The following BICRAL variants were observed in gnomAD, a reference collection of about 807,000 sequenced individuals.
BICRAL encodes the protein BICRA like chromatin remodeling complex associated protein.
In BICRAL, 8 loss-of-function variants were observed where a neutral mutation model predicts 91.8. That is an observed-to-expected ratio of 0.09 (90% confidence interval 0.05 to 0.16). The LOEUF (loss-of-function observed/expected upper bound fraction) is 0.16, where lower values mean the gene tolerates loss of function less well. Among genes scored for constraint, BICRAL ranks in the 10% least tolerant of loss-of-function variants. BICRAL has a pLI of 1.00. For synonymous variants in BICRAL, 445 were observed against 491.1 expected (o/e 0.91, Z 1.24); for missense variants, 1,038 against 1,310.9 (o/e 0.79, Z 3.21).
At chr6:42,832,157 G>A (rs1764502158) in intron 6 of BICRAL, among the ~76,000 whole-genome samples, 1 of 151,344 alleles carries the variant, frequency 6.6e-6, no homozygotes, top group Non-Finnish European at 1.5e-5. Flanking sequence ...AGACCAGCCT[G>A]GCTGACATGG....
intron 6 of BICRAL, among the ~76,000 whole-genome samples, chr6:42,848,075 G>A (rs1765072601): frequency 6.6e-6 from 1 of 151,970 alleles, no homozygotes; most frequent in South Asian, 2.1e-4. Context: ...CTTGCAGTGA[G>A]CCAAGATTGC....
intron 6 of BICRAL, among the ~76,000 whole-genome samples, chr6:42,835,661 G>A (rs376149273): frequency 6.6e-6 from 1 of 152,112 alleles, no homozygotes; most frequent in Non-Finnish European, 1.5e-5. Flanking sequence ...GGCTGGTTGC[G>A]GTGTCTCATG....
intron 1 of BICRAL, among the ~76,000 whole-genome samples, chr6:42,795,184 C>A (rs1334552950): frequency 6.6e-6 from 1 of 152,162 alleles, no homozygotes; most frequent in Non-Finnish European, 1.5e-5. Context: ...GTAATCCCAG[C>A]ACTTTGGGAG....
intron 1 of BICRAL, among the ~76,000 whole-genome samples, chr6:42,770,072 C>T (rs1762695429): frequency 6.6e-6 from 1 of 152,040 alleles, no homozygotes. Context: ...TCTGCCTGTC[C>T]CCCTCATTTA....
At chr6:42,845,163 C>T (rs1232675355) in intron 6 of BICRAL, among the ~76,000 whole-genome samples, 3 of 118,298 alleles carry the variant, frequency 2.5e-5, no homozygotes, top group Non-Finnish European at 3.3e-5. Context: ...TGGTATCCTT[C>T]GGCTGCCTTC....
At chr6:42,790,571 G>T (rs12332906) in intron 1 of BICRAL, among the ~76,000 whole-genome samples, 13,866 of 147,872 alleles carry the variant, frequency 0.094, 1,079 homozygotes, top group African/African-American at 0.22. Context: ...TGAGTCTGCT[G>T]TCATTCCCTT....
chr6:42,760,218 C>T (rs1026442079), intron 1 of BICRAL, among the ~76,000 whole-genome samples: 4 of 151,178 alleles, frequency 2.6e-5, no homozygotes, highest in Non-Finnish European at 5.9e-5. Flanking sequence ...TGAGATTGCA[C>T]CATTGCACTC....
At chr6:42,813,588 C>T (rs999576689) in intron 2 of BICRAL, among the ~76,000 whole-genome samples, 5 of 152,138 alleles carry the variant, frequency 3.3e-5, no homozygotes, top group East Asian at 1.9e-4. Flanking sequence ...CACACAATCA[C>T]GGCTCACTGC....
intron 8 of BICRAL, among the ~76,000 whole-genome samples, chr6:42,854,039 A>G (rs1765272071): frequency 6.6e-6 from 1 of 152,246 alleles, no homozygotes; most frequent in African/African-American, 2.4e-5. Flanking sequence ...AAAAAATGTC[A>G]TTTACTACTA....
At chr6:42,823,099 C>A in intron 5 of BICRAL, 96 bp downstream of exon 5, 1 of 711,400 alleles carries the variant, frequency 1.4e-6, no homozygotes, top group East Asian at 2.6e-5. Flanking sequence ...CATGAGAATC[C>A]TTACCTTGTC....
chr6:42,850,403 C>T (rs1476090731), intron 6 of BICRAL, among the ~76,000 whole-genome samples: 1 of 150,980 alleles, frequency 6.6e-6, no homozygotes, highest in Admixed American at 6.6e-5. Context: ...GCCTGTAATC[C>T]CAGCTACTCG....
At chr6:42,845,252 CAG>C (rs1163893097) in intron 6 of BICRAL, among the ~76,000 whole-genome samples, 2 of 63,870 alleles carry the variant, frequency 3.1e-5, no homozygotes, top group Non-Finnish European at 5.7e-5. Context: ...TTTTTTTAGA[CAG>C]AGTTTCAGTC....
At chr6:42,754,493 A>G (rs796667753) in intron 1 of BICRAL, among the ~76,000 whole-genome samples, 91 of 152,340 alleles carry the variant, frequency 6.0e-4, no homozygotes, top group African/African-American at 1.9e-3. Flanking sequence ...ACGTCAACTC[A>G]TAGTAACAGA....
At chr6:42,782,851 G>A (rs1762960830) in intron 1 of BICRAL, among the ~76,000 whole-genome samples, 1 of 151,970 alleles carries the variant, frequency 6.6e-6, no homozygotes, top group South Asian at 2.1e-4. Context: ...GGGCGAGGAA[G>A]AAAAATAAGC....
At chr6:42,839,343 C>T (rs2113980659) in intron 6 of BICRAL, among the ~76,000 whole-genome samples, 1 of 152,058 alleles carries the variant, frequency 6.6e-6, no homozygotes, top group Admixed American at 6.6e-5. Flanking sequence ...TGGGGTCTTG[C>T]TATGTTACCC....
intron 10 of BICRAL, among the ~76,000 whole-genome samples, chr6:42,858,658 A>G (rs1485904424): frequency 2.0e-5 from 3 of 151,512 alleles, no homozygotes; most frequent in Admixed American, 1.3e-4. Context: ...TGTCTACTAA[A>G]AATACAAAAT....
intron 1 of BICRAL, among the ~76,000 whole-genome samples, chr6:42,762,473 T>C (rs1762565525): frequency 6.6e-6 from 1 of 152,242 alleles, no homozygotes. Flanking sequence ...TCTAATCTTA[T>C]CTCACTTTAC....
intron 1 of BICRAL, among the ~76,000 whole-genome samples, chr6:42,804,956 C>A (rs1242386620): frequency 6.6e-6 from 1 of 152,226 alleles, no homozygotes; most frequent in Non-Finnish European, 1.5e-5. Context: ...CCTGCCTTGG[C>A]CTCCCAGAGT....
At chr6:42,832,762 C>G (rs1020760086) in intron 6 of BICRAL, among the ~76,000 whole-genome samples, 36 of 152,002 alleles carry the variant, frequency 2.4e-4, no homozygotes, top group Non-Finnish European at 4.7e-4. Flanking sequence ...CACACACACA[C>G]TTTTCAGAGT....
Sources: allele counts gnomAD v4.1 joint callset (sites outside exome capture counted in the v4.1 genomes callset), GRCh38; gene constraint gnomAD v4.1.1; transcripts MANE v1.5; gene names NCBI Gene and HGNC (gene_info 2026-07-23, HGNC 2026-07-21).